Variants in ADCK1 observed in about 807,000 individuals in gnomAD.
ADCK1 encodes the protein aarF domain containing kinase 1.
ADCK1 carries 41 observed loss-of-function variants against 52.3 expected under a neutral mutation model. The observed-to-expected ratio is 0.78, with a 90% CI of 0.61 to 1.02. ADCK1 has a LOEUF of 1.02. Among genes scored for constraint, ADCK1 ranks in the 50% least tolerant of loss-of-function variants. The pLI is 0.00. For missense variants in ADCK1, 658 were observed against 679.5 expected, an observed-to-expected ratio of 0.97 and a Z score of 0.35; for synonymous variants, 250 against 274.6, an observed-to-expected ratio of 0.91 and a Z score of 0.89.
At chr14:77,893,430 A>G (rs1410358481) in intron 5 of ADCK1, among the ~76,000 whole-genome samples, 4 of 152,064 alleles carry the variant, frequency 2.6e-5, no homozygotes, top group Admixed American at 6.6e-5. Flanking sequence ...ATCACCCTGT[A>G]TCACTCCCAG....
chr14:77,865,482 C>CAAAACA lies in ADCK1; in HGVS notation c.423+6219_423+6224dup, dbSNP rs544263237. Among the ~76,000 whole-genome samples, 565 of 152,198 alleles carry CAAAACA rather than the reference C, an allele frequency of 3.7e-3. 4 individuals are homozygous for CAAAACA. The highest frequency in any genetic ancestry group is 8.6e-3 in the African/African-American group (359 of 41,528). The stretch of plus-strand genomic sequence containing the variant: ...TGGGTGACAGAGTGACACCCCGTAT[C>CAAAACA]AAAACAAAAACAAAAACAAAACCCC... On this transcript the variant is annotated intron_variant, in intron 4 of 10. Transcript: ENST00000238561.
intron 2 of ADCK1, among the ~76,000 whole-genome samples, chr14:77,820,304 GATAT>G (rs10532993): frequency 5.4e-5 from 8 of 149,532 alleles, no homozygotes; most frequent in African/African-American, 7.4e-5. Flanking sequence ...TTTATTTTAT[GATAT>G]ATATATATAT....
chr14:77,836,773 CTTTT>C lies in ADCK1; in HGVS notation c.219+14270_219+14273del, dbSNP rs56672313. 1.8e-3 allele frequency among the ~76,000 whole-genome samples: 74 copies of C among 41,762 alleles called. 1 individual carries two copies. The East Asian group carries it at 0.039, about 22-fold the overall frequency. 27.4% of individuals were successfully genotyped at this position (41,762 alleles called of 152,430 possible). On this transcript the variant is annotated intron_variant, in intron 3 of 10. Coordinates refer to ENST00000238561, the MANE Select transcript of ADCK1 (RefSeq NM_020421.4). ...TCCTCTACCTTTTCTTTCTTTCTTT[CTTTT>C]TTTTTTTTTTTTTTGAGATGGAGTC...
chr14:77,917,477 C>T (rs973378771), intron 7 of ADCK1, among the ~76,000 whole-genome samples: 1 of 152,126 alleles, frequency 6.6e-6, no homozygotes, highest in East Asian at 1.9e-4. Flanking sequence ...ATAAATTAAT[C>T]CATGTAATTA....
intron 1 of ADCK1, among the ~76,000 whole-genome samples, chr14:77,810,737 T>G (rs528155288): frequency 6.6e-6 from 1 of 152,190 alleles, no homozygotes; most frequent in South Asian, 2.1e-4. Flanking sequence ...TTCACCGTGT[T>G]AGCCAGGATG....
chr14:77,887,304 CCA>C (rs2083180894), intron 5 of ADCK1, 55 bp downstream of exon 5: 3 of 1,482,172 alleles, frequency 2.0e-6, no homozygotes. Context: ...TCCCTGGGAT[CCA>C]GGCCACCTAG....
intron 3 of ADCK1, among the ~76,000 whole-genome samples, chr14:77,840,337 C>CTT (rs771574416): frequency 6.8e-6 from 1 of 147,270 alleles, no homozygotes. Context: ...AATTCTTTTC[C>CTT]TTTTTTTTTT....
chr14:77,882,634 G>T (rs573088402), intron 4 of ADCK1, among the ~76,000 whole-genome samples: 1 of 152,312 alleles, frequency 6.6e-6, no homozygotes, highest in South Asian at 2.1e-4. Context: ...GGCATCTGGA[G>T]GGGCTGTTTA....
chr14:77,851,599 T>C (rs1042476690), intron 3 of ADCK1, among the ~76,000 whole-genome samples: 2 of 152,234 alleles, frequency 1.3e-5, no homozygotes, highest in Non-Finnish European at 2.9e-5. Context: ...TTCATGGTTG[T>C]ATTTTACCTC....
chr14:77,912,801 A>G (rs560188896), intron 7 of ADCK1, among the ~76,000 whole-genome samples: 34 of 152,240 alleles, frequency 2.2e-4, no homozygotes, highest in African/African-American at 8.2e-4. Context: ...TTGTTGTATC[A>G]GCCTCACTCC....
chr14:77,926,331 T>A (rs781218589), intron 9 of ADCK1, among the ~76,000 whole-genome samples: 16 of 152,164 alleles, frequency 1.1e-4, no homozygotes, highest in Non-Finnish European at 2.2e-4. Flanking sequence ...GGACTATCTC[T>A]TAAATAAATC....
At chr14:77,852,052 G>A (rs538927380) in intron 3 of ADCK1, among the ~76,000 whole-genome samples, 16 of 151,862 alleles carry the variant, frequency 1.1e-4, no homozygotes, top group Middle Eastern at 3.4e-3. Context: ...AGGCTGGAGT[G>A]CAGTGGTGCG....
intron 7 of ADCK1, among the ~76,000 whole-genome samples, chr14:77,918,828 T>C (rs1356783770): frequency 6.6e-6 from 1 of 152,218 alleles, no homozygotes; most frequent in Non-Finnish European, 1.5e-5. Flanking sequence ...CACAGAGTGG[T>C]CATACATCAA....
intron 4 of ADCK1, among the ~76,000 whole-genome samples, chr14:77,884,200 G>A (rs545703884): frequency 6.6e-6 from 1 of 152,326 alleles, no homozygotes; most frequent in South Asian, 2.1e-4. Context: ...GATGTCAGAT[G>A]ACCCCCAAAT....
chr14:77,896,989 A>G (rs1240387171), intron 5 of ADCK1, among the ~76,000 whole-genome samples: 3 of 152,202 alleles, frequency 2.0e-5, no homozygotes, highest in Admixed American at 6.5e-5. Context: ...CTGGCTTTAG[A>G]TTGATTTCTT....
At chr14:77,806,551 T>G (rs1264543153) in intron 1 of ADCK1, among the ~76,000 whole-genome samples, 4 of 152,138 alleles carry the variant, frequency 2.6e-5, no homozygotes, top group Non-Finnish European at 4.4e-5. Flanking sequence ...AGGGCTTTGG[T>G]CATGGACTTT....
At chr14:77,800,655 G>T (rs554101875) in intron 1 of ADCK1, among the ~76,000 whole-genome samples, 1 of 152,336 alleles carries the variant, frequency 6.6e-6, no homozygotes, top group African/African-American at 2.4e-5. Context: ...GCCCCAGACC[G>T]CTGCTTATCT....
chr14:77,902,475 T>A (rs2083567991), intron 6 of ADCK1: 1 of 152,240 alleles, frequency 6.6e-6, no homozygotes, highest in Non-Finnish European at 1.5e-5. Flanking sequence ...CTTGGCTCTT[T>A]GAGACAAGTG....
chr14:77,917,144 GA>G (rs1444637481), intron 7 of ADCK1, among the ~76,000 whole-genome samples: 1 of 152,166 alleles, frequency 6.6e-6, no homozygotes, highest in East Asian at 1.9e-4. Flanking sequence ...AGGATCATTT[GA>G]ACCCAGGTGT....
Sources: allele counts gnomAD v4.1 joint callset (sites outside exome capture counted in the v4.1 genomes callset), GRCh38; gene constraint gnomAD v4.1.1; transcripts MANE v1.5; gene names NCBI Gene and HGNC (gene_info 2026-07-23, HGNC 2026-07-21).